SLIT3: variants seen among roughly 807,000 people sequenced by gnomAD.
The protein encoded by SLIT3 is slit homolog 3 protein.
SLIT3 carries 68 observed loss-of-function variants against 184.0 expected under a neutral mutation model. The observed-to-expected ratio is 0.37, with a 90% CI of 0.30 to 0.45. The LOEUF (loss-of-function observed/expected upper bound fraction) is 0.45. Ranked by LOEUF, SLIT3 falls within the 20% of genes least tolerant of loss-of-function variation. The pLI is 1.00. For missense variants in SLIT3, 1,707 were observed against 2,026.0 expected, an observed-to-expected ratio of 0.84 and a Z score of 3.02; for synonymous variants, 831 against 828.6, an observed-to-expected ratio of 1.00 and a Z score of -0.05.
intron 32 of SLIT3, among the ~76,000 whole-genome samples, chr5:168,681,292 T>A (rs1233141973): frequency 6.6e-6 from 1 of 152,234 alleles, no homozygotes; most frequent in Non-Finnish European, 1.5e-5. Context: ...GGACTGTGTT[T>A]GTTTAGCTCT....
rs183104585 is a variant in SLIT3, at chr5:168,741,473, G to A, written c.2270+6829C>T. Among the ~76,000 whole-genome samples, 336 of 46,982 alleles carry A rather than the reference G, an allele frequency of 7.2e-3. 1 individual carries two copies. The highest frequency in any genetic ancestry group is 0.033 in the African/African-American group (288 of 8,640). The allele number at this position is 46,982 out of a possible 152,430, so 30.8% of individuals were successfully genotyped here. A position where few individuals can be genotyped will look rare whatever the true frequency, so the allele number is the denominator to read the frequency against. On this transcript the variant is annotated intron_variant, in intron 20 of 35. Coordinates refer to ENST00000519560, the MANE Select transcript of SLIT3 (RefSeq NM_003062.4). The stretch of plus-strand genomic sequence containing the variant: ...CAGCCTGGGCGACAGAGCAAGACTC[G>A]GTCTCAAAAAAAAAAAAAAAAAAGA...
At chr5:169,168,561 C>A (rs1396858558) in intron 4 of SLIT3, among the ~76,000 whole-genome samples, 4 of 152,162 alleles carry the variant, frequency 2.6e-5, no homozygotes, top group Non-Finnish European at 5.9e-5. Context: ...ATCTTTACAA[C>A]GGCTCTATGA....
intron 25 of SLIT3, among the ~76,000 whole-genome samples, chr5:168,710,351 C>T (rs568053084): frequency 6.6e-6 from 1 of 152,202 alleles, no homozygotes; most frequent in Admixed American, 6.5e-5. Context: ...CATACAAACT[C>T]AGTAGTAGTT....
chr5:168,969,096 C>T (rs961883652), intron 4 of SLIT3, among the ~76,000 whole-genome samples: 1 of 152,144 alleles, frequency 6.6e-6, no homozygotes, highest in Middle Eastern at 3.2e-3. Context: ...AATAATTAAT[C>T]ATTTTGATGT....
chr5:169,038,660 A>T (rs1757342089), intron 4 of SLIT3, among the ~76,000 whole-genome samples: 1 of 152,196 alleles, frequency 6.6e-6, no homozygotes, highest in Admixed American at 6.5e-5. Flanking sequence ...CCCAAGAGGC[A>T]GTGAAGCTCA....
At chr5:169,209,211 T>A (rs1210046200) in intron 3 of SLIT3, among the ~76,000 whole-genome samples, 1 of 152,182 alleles carries the variant, frequency 6.6e-6, no homozygotes, top group Non-Finnish European at 1.5e-5. Flanking sequence ...AAGCTCATCA[T>A]CACTGGTCAT....
chr5:168,683,945 AG>A lies in SLIT3; in HGVS notation c.3686+20del, dbSNP rs1257416233. 6.7e-7 allele frequency: 1 copy of A among 1,493,778 alleles called. No homozygotes were observed. The highest frequency in any genetic ancestry group is 2.5e-5 in the East Asian group (1 of 39,658). The allele number at this position is 1,493,778 out of a possible 1,614,324, so 92.5% of individuals were successfully genotyped here. On this transcript the variant is annotated intron_variant, in intron 32 of 35. Transcript: ENST00000519560. ...GATGCGGAGGAACACACAGTGGGTCAGGAGGGAGAGAGGCCCTTACCTGTAC... is the reference window on the plus strand; with the variant it reads ...GATGCGGAGGAACACACAGTGGGTCAGAGGGAGAGAGGCCCTTACCTGTAC...
intron 3 of SLIT3, among the ~76,000 whole-genome samples, chr5:169,231,163 G>A (rs570090800): frequency 6.6e-6 from 1 of 152,244 alleles, no homozygotes; most frequent in South Asian, 2.1e-4. Context: ...TCAGAGCCAT[G>A]CATGAAATTT....
intron 4 of SLIT3, among the ~76,000 whole-genome samples, chr5:169,121,216 A>C (rs2113288150): frequency 6.6e-6 from 1 of 152,268 alleles, no homozygotes; most frequent in South Asian, 2.1e-4. Flanking sequence ...TCACCTCTTA[A>C]CCCCAAAGAC....
chr5:168,748,875 C>T (rs1032542544), intron 19 of SLIT3, among the ~76,000 whole-genome samples: 4 of 152,144 alleles, frequency 2.6e-5, no homozygotes, highest in Non-Finnish European at 5.9e-5. Flanking sequence ...CTAGATAACC[C>T]AAAGTTGATC....
chr5:169,230,151 A>G (rs914059869), intron 3 of SLIT3, among the ~76,000 whole-genome samples: 3 of 152,164 alleles, frequency 2.0e-5, no homozygotes, highest in Non-Finnish European at 2.9e-5. Flanking sequence ...TTTATCCTCC[A>G]TGCTAACTCT....
At chr5:168,696,484 T>A in intron 27 of SLIT3, 53 bp from the exon 28 acceptor site, 3 of 1,602,280 alleles carry the variant, frequency 1.9e-6, no homozygotes, top group Middle Eastern at 1.8e-4. Flanking sequence ...GGGAGAGAGG[T>A]GGGTTGGGAT....
intron 20 of SLIT3, among the ~76,000 whole-genome samples, chr5:168,745,498 G>C (rs1010549429): frequency 6.6e-6 from 1 of 151,360 alleles, no homozygotes; most frequent in Non-Finnish European, 1.5e-5. Flanking sequence ...TGCAACTTCT[G>C]CCTCCCAGGT....
At chr5:169,052,811 T>C (rs1259231902) in intron 4 of SLIT3, among the ~76,000 whole-genome samples, 2 of 152,234 alleles carry the variant, frequency 1.3e-5, no homozygotes, top group Non-Finnish European at 1.5e-5. Context: ...GCTGAAATAC[T>C]GCATCATCAC....
Position 169,263,195 on chromosome 5 carries a change from A to G in SLIT3, c.198-11736T>C, listed in dbSNP as rs78841772. Among the ~76,000 whole-genome samples, 5 of 152,298 alleles carry G rather than the reference A, an allele frequency of 3.3e-5. No homozygotes were observed. In the East Asian group the frequency reaches 5.8e-4, roughly 18 times the overall value. On this transcript the variant is annotated intron_variant, in intron 1 of 35. Transcript: ENST00000519560. ...CCCTATTTCTACAAAAGAGAAAACC[A>G]GCCAGGCATGGTGGTACTTGCCTAT...
chr5:168,996,130 G>A (rs938781233), intron 4 of SLIT3, among the ~76,000 whole-genome samples: 2 of 152,206 alleles, frequency 1.3e-5, no homozygotes, highest in Admixed American at 1.3e-4. Context: ...GCTGGGACAG[G>A]GAAGGGTGTG....
chr5:169,052,291 T>A (rs1365229367), intron 4 of SLIT3, among the ~76,000 whole-genome samples: 2 of 152,184 alleles, frequency 1.3e-5, no homozygotes, highest in Non-Finnish European at 2.9e-5. Context: ...ACAAAACATC[T>A]TCATATCTAC....
intron 4 of SLIT3, among the ~76,000 whole-genome samples, chr5:169,003,155 G>A (rs149536592): frequency 1.9e-4 from 29 of 152,332 alleles, no homozygotes; most frequent in African/African-American, 6.7e-4. Context: ...TATGTATGCA[G>A]TAAAATCTAG....
intron 24 of SLIT3, among the ~76,000 whole-genome samples, chr5:168,711,296 C>T (rs1762552094): frequency 6.6e-6 from 1 of 152,182 alleles, no homozygotes; most frequent in African/African-American, 2.4e-5. Context: ...TGGCTCTCAC[C>T]TACGCAAGTA....
Sources: allele counts gnomAD v4.1 joint callset (sites outside exome capture counted in the v4.1 genomes callset), GRCh38; gene constraint gnomAD v4.1.1; transcripts MANE v1.5; gene names NCBI Gene and HGNC (gene_info 2026-07-23, HGNC 2026-07-21).